The following STKLD1 variants were observed in gnomAD, a reference collection of about 807,000 sequenced individuals.
STKLD1 encodes the protein serine/threonine kinase like domain containing 1.
In STKLD1, 79 loss-of-function variants were observed where a neutral mutation model predicts 80.4. The ratio of observed to expected loss-of-function variants is 0.98; its 90% CI spans 0.82 to 1.19. The LOEUF (loss-of-function observed/expected upper bound fraction) is 1.19, where lower values mean the gene tolerates loss of function less well. Among genes scored for constraint, STKLD1 ranks in the 50% most tolerant of loss-of-function variants. The pLI is 0.00. For synonymous variants in STKLD1, 393 were observed against 357.6 expected, an observed-to-expected ratio of 1.10 and a Z score of -1.12; for missense variants, 841 against 856.0, an observed-to-expected ratio of 0.98 and a Z score of 0.22.
rs1182273807 is a variant in STKLD1 at position 133,390,752 on chromosome 9, T to C, written c.539T>C (p.Val180Ala). The C allele has an allele frequency of 3.7e-6, 6 of 1,613,920 alleles. No homozygotes were observed. Among genetic ancestry groups the C allele is most frequent in the Non-Finnish European group, 5.1e-6 (6 of 1,179,976 alleles). Reference sequence around the variant, plus strand: ...AAACTGCAGGACCTGAGTTCCAATGTGCTAATGACAGACAAAGCCAAATGG... The same window carrying C: ...AAACTGCAGGACCTGAGTTCCAATGCGCTAATGACAGACAAAGCCAAATGG... ...HCKLQDLSSN[V>A]LMTDKAKWNI... Residue 180 changes from valine (V) to alanine (A), a missense_variant, in exon 7 of 18, where the codon GTG becomes GCG. Physicochemically the swap from Val to Ala is moderately conservative, Grantham distance 64. Transcript: ENST00000371957. The surrounding 1 kb of genome is among the most constrained non-coding windows in gnomAD (Gnocchi z 5.1).
intron 10 of STKLD1, 120 bp downstream of exon 10, chr9:133,397,414 G>A (rs974183868): frequency 1.9e-5 from 25 of 1,324,286 alleles, no homozygotes; most frequent in Admixed American, 1.0e-4. Context: ...CCACATGCAC[G>A]ACCAGTGGGT....
At position 133,385,553 on chromosome 9, in the gene STKLD1, G is replaced by A; in HGVS notation, c.220-64G>A. 6.6e-7 allele frequency: 1 copy of A among 1,522,562 alleles called. No individual in the cohort carries two copies. The highest frequency in any genetic ancestry group is 1.7e-5 in the Admixed American group (1 of 59,312). The allele number at this position is 1,522,562 out of a possible 1,614,324, so 94.3% of individuals were successfully genotyped here. A position where few individuals can be genotyped will look rare whatever the true frequency, so the allele number is the denominator to read the frequency against. ...GTTTGTTGGGATGTGTGACAGAGAAGCCCGAGCTGAGAAAGGCGTGGAGAG... is the reference window on the plus strand; with the variant it reads ...GTTTGTTGGGATGTGTGACAGAGAAACCCGAGCTGAGAAAGGCGTGGAGAG... On this transcript the variant is annotated intron_variant, in intron 3 of 17. Transcript: ENST00000371957. This position sits in a 1 kb window ranked among gnomAD's most constrained non-coding sequence, Gnocchi z 4.9.
rs1554777416 is a variant in STKLD1 at position 133,400,445 on chromosome 9, G to C, written c.1114G>C (p.Val372Leu). ...GTGGCCCCCGGAGCTGGTGGAGGTG[G>C]TGGTCACGACCATGGAGCTACATGA... Reference protein sequence around the residue: ...LPWPPELVEVVVTTMELHDRV... With the variant: ...LPWPPELVEVLVTTMELHDRV... Residue 372 changes from valine (V) to leucine (L), a missense_variant, in exon 12 of 18, where the codon GTG becomes CTG. Val to Leu is a conservative substitution (Grantham distance 32, BLOSUM62 1). Transcript: ENST00000371957. 2 of 1,613,314 alleles carry C rather than the reference G, an allele frequency of 1.2e-6. No individual in the cohort carries two copies. Among genetic ancestry groups the C allele is most frequent in the South Asian group, 2.2e-5 (2 of 91,088 alleles).
intron 11 of STKLD1, 141 bp downstream of exon 11, chr9:133,398,196 C>T: frequency 1.5e-6 from 1 of 680,444 alleles, no homozygotes; most frequent in Admixed American, 2.9e-5. Context: ...GTGCATGTGT[C>T]CCCAGAAGAG....
chr9:133,390,229 ACACACACACACACACACACAC>A lies in STKLD1; in HGVS notation c.468-451_468-431del, dbSNP rs1459636261. 9.8e-4 allele frequency among the ~76,000 whole-genome samples: 145 copies of A among 148,242 alleles called. No homozygotes were observed. The highest frequency in any genetic ancestry group is 3.7e-3 in the African/African-American group (142 of 38,502). On this transcript the variant is annotated intron_variant, in intron 6 of 17. Coordinates refer to ENST00000371957, the MANE Select transcript of STKLD1 (RefSeq NM_153710.5). This position sits in a 1 kb window ranked among gnomAD's most constrained non-coding sequence, Gnocchi z 5.1. ...CACACACACACACACACACACACAC[ACACACACACACACACACACAC>A]ACCACGCAGACCATACGTACAAAGG...
Position 133,389,661 on chromosome 9 carries a change from C to T in STKLD1, c.467+65C>T. On this transcript the variant is annotated intron_variant, in intron 6 of 17. Coordinates refer to ENST00000371957, the MANE Select transcript of STKLD1 (RefSeq NM_153710.5). This position sits in a 1 kb window ranked among gnomAD's most constrained non-coding sequence, Gnocchi z 6.4. ...TTCGGGAGAAAAGGCACTGAGGCCA[C>T]TCGGGTGCCAGTGCCCGTGGGCAGG... 2 of 1,601,530 alleles carry T rather than the reference C, an allele frequency of 1.2e-6. No homozygotes were observed. Among genetic ancestry groups the T allele is most frequent in the Non-Finnish European group, 1.7e-6 (2 of 1,172,904 alleles).
intron 7 of STKLD1, among the ~76,000 whole-genome samples, chr9:133,392,603 GTGGATGGATGGATGGA>G (rs1245671424): frequency 2.7e-5 from 1 of 36,510 alleles, no homozygotes; most frequent in African/African-American, 1.2e-4. Flanking sequence ...GGATGGATGG[GTGGATGGATGGATGGA>G]TGGATGGATG....
chr9:133,394,441 T>C lies in STKLD1; in HGVS notation c.702+32T>C. On this transcript the variant is annotated intron_variant, in intron 8 of 17. Transcript: ENST00000371957. This position sits in a 1 kb window ranked among gnomAD's most constrained non-coding sequence, Gnocchi z 4.9. ...CGCCCTCCCTCCCCCACACCCCACA[T>C]GCTGTTCCCCACGCGCCCAGGCCTG... The C allele has an allele frequency of 7.5e-7, 1 of 1,338,938 alleles. No individual in the cohort carries two copies. The highest frequency in any genetic ancestry group is 1.0e-6 in the Non-Finnish European group (1 of 980,174). 82.9% of individuals were successfully genotyped at this position (1,338,938 alleles called of 1,614,324 possible).
At position 133,394,977 on chromosome 9, in the gene STKLD1, G is replaced by A. The variant is rs188919578; in HGVS notation, c.702+568G>A. Among the ~76,000 whole-genome samples, 118 of 152,342 alleles carry A rather than the reference G, an allele frequency of 7.7e-4. No homozygotes were observed. The highest frequency in any genetic ancestry group is 2.6e-3 in the African/African-American group (107 of 41,574). The stretch of plus-strand genomic sequence containing the variant: ...TCCAAGGTCACTCTGGCTGCAGGGA[G>A]GCAGGGAAGTCCAGCCTGTCGCTTC... On this transcript the variant is annotated intron_variant, in intron 8 of 17. Transcript: ENST00000371957. This position sits in a 1 kb window ranked among gnomAD's most constrained non-coding sequence, Gnocchi z 4.9.
chr9:133,398,159 G>A (rs782367513), intron 11 of STKLD1, 104 bp downstream of exon 11: 181 of 1,065,542 alleles, frequency 1.7e-4, no homozygotes, highest in South Asian at 2.5e-4. Flanking sequence ...GGCTCTCCTC[G>A]CCAGTGCTTT....
At chr9:133,383,778 TGTG>T in intron 2 of STKLD1, 75 bp from the exon 3 acceptor site, 4 of 1,367,464 alleles carry the variant, frequency 2.9e-6, no homozygotes, top group African/African-American at 2.9e-5. Flanking sequence ...TAATGGTCGT[TGTG>T]GTGGTGGTGA....
At position 133,390,371 on chromosome 9, in the gene STKLD1, G is replaced by A. The variant is rs1382215779; in HGVS notation, c.468-310G>A. Among the ~76,000 whole-genome samples, 5 of 152,208 alleles carry A rather than the reference G, an allele frequency of 3.3e-5. No individual in the cohort carries two copies. The highest frequency in any genetic ancestry group is 1.2e-4 in the African/African-American group (5 of 41,440). On this transcript the variant is annotated intron_variant, in intron 6 of 17. Coordinates refer to ENST00000371957, the MANE Select transcript of STKLD1 (RefSeq NM_153710.5). This position sits in a 1 kb window ranked among gnomAD's most constrained non-coding sequence, Gnocchi z 5.1. ...GCAAACGTGTAGCTGAGATATCTAA[G>A]GAGGTGAATGTGTCAATTAAGGGGC...
At chr9:133,382,806 A>T (rs1165802014) in intron 2 of STKLD1, among the ~76,000 whole-genome samples, 17 of 90,004 alleles carry the variant, frequency 1.9e-4, no homozygotes, top group African/African-American at 7.2e-4. Flanking sequence ...GATGATAGTG[A>T]CGATGGTGAC....
rs1838772163 is a variant in STKLD1, at chr9:133,403,841, G to A, written c.1603+13G>A. ...CTGTCCCTGCTGGGTGAGCTGGGTG[G>A]GCGCCCTGGGCCCCTGGGGCTGGGA... On this transcript the variant is annotated intron_variant, in intron 15 of 17. Transcript: ENST00000371957. 17 of 1,612,940 alleles carry A rather than the reference G, an allele frequency of 1.1e-5. No homozygotes were observed. Among genetic ancestry groups the A allele is most frequent in the Non-Finnish European group, 1.4e-5 (17 of 1,179,664 alleles).
At chr9:133,388,953 G>A in intron 5 of STKLD1, 1 of 985,392 alleles carries the variant, frequency 1.0e-6, no homozygotes, top group Non-Finnish European at 1.2e-6. Flanking sequence ...CTAACTGGGG[G>A]CAGTGGGAGG....
At chr9:133,393,418 G>A (rs1425636821) in intron 7 of STKLD1, among the ~76,000 whole-genome samples, 1 of 149,430 alleles carries the variant, frequency 6.7e-6, no homozygotes, top group Non-Finnish European at 1.5e-5. Context: ...GTGGTTAGAG[G>A]GATGGGTGTG....
chr9:133,382,056 G>A (rs1838145412), intron 2 of STKLD1, among the ~76,000 whole-genome samples: 2 of 152,190 alleles, frequency 1.3e-5, no homozygotes, highest in South Asian at 4.1e-4. Context: ...GCCACCAAGC[G>A]TGCTGCAGAC....
At position 133,385,420 on chromosome 9, in the gene STKLD1, G is replaced by C. The variant is rs992014509; in HGVS notation, c.220-197G>C. Among the ~76,000 whole-genome samples the C allele has an allele frequency of 6.6e-6, 1 of 152,190 alleles. No individual in the cohort carries two copies. Among genetic ancestry groups the C allele is most frequent in the African/African-American group, 2.4e-5 (1 of 41,442 alleles). On this transcript the variant is annotated intron_variant, in intron 3 of 17. Coordinates refer to ENST00000371957, the MANE Select transcript of STKLD1 (RefSeq NM_153710.5). This position sits in a 1 kb window ranked among gnomAD's most constrained non-coding sequence, Gnocchi z 4.9. ...ATATGAGGCCCAGTCACCCAGCACA[G>C]CCAGCTCATGCTGGAGACAGGACCC...
At chr9:133,393,151 A>G (rs1350188033) in intron 7 of STKLD1, among the ~76,000 whole-genome samples, 1 of 104,050 alleles carries the variant, frequency 9.6e-6, no homozygotes, top group East Asian at 3.4e-4. Context: ...GAATGAGTGA[A>G]TGAGTGGGTA....
Sources: allele counts gnomAD v4.1 joint callset (sites outside exome capture counted in the v4.1 genomes callset), GRCh38; gene constraint gnomAD v4.1.1; non-coding constraint Gnocchi (gnomAD v3.1); transcripts MANE v1.5; gene names NCBI Gene and HGNC (gene_info 2026-07-23, HGNC 2026-07-21).